Variants in LRRC4C observed in about 807,000 individuals in gnomAD.
LRRC4C encodes leucine rich repeat containing 4C.
LRRC4C carries 5 observed loss-of-function variants against 33.6 expected under a neutral mutation model. The ratio of observed to expected loss-of-function variants is 0.15; its 90% CI spans 0.08 to 0.31. The LOEUF is 0.31. Ranked by LOEUF, LRRC4C falls within the 10% of genes least tolerant of loss-of-function variation. The pLI, the probability that LRRC4C is intolerant of heterozygous loss-of-function variation, is 1.00. For missense variants in LRRC4C, 560 were observed against 796.7 expected (o/e 0.70, Z 3.58); for synonymous variants, 329 against 302.0 (o/e 1.09, Z -0.93).
At chr11:41,232,685 T>C (rs1315421303) in intron 1 of LRRC4C, among the ~76,000 whole-genome samples, 2 of 152,026 alleles carry the variant, frequency 1.3e-5, no homozygotes, top group East Asian at 3.9e-4. Context: ...ACTTATGAAT[T>C]ATACTTTTGA....
chr11:40,553,714 T>C (rs1190353551), intron 3 of LRRC4C, among the ~76,000 whole-genome samples: 2 of 152,222 alleles, frequency 1.3e-5, no homozygotes, highest in South Asian at 2.1e-4. Context: ...TGACTGCTTG[T>C]ATACCTTCTT....
At chr11:40,802,623 T>C (rs542605933) in intron 2 of LRRC4C, among the ~76,000 whole-genome samples, 85 of 152,298 alleles carry the variant, frequency 5.6e-4, no homozygotes, top group African/African-American at 2.0e-3. Context: ...CCCTTGCATG[T>C]ATTGAACATT....
rs1245478778 is a variant in LRRC4C at position 40,115,543 on chromosome 11, C to T, written c.750G>A (p.Met250Ile). The change falls in exon 7 of 7, where the codon ATG (methionine) becomes ATA (isoleucine). Residue 250 changes from methionine to isoleucine, a missense_variant. Around this residue, in one of 3 missense-constraint regions of LRRC4C, gnomAD observed 455 missense variants for 643.8 expected, o/e 0.71. Transcript: ENST00000528697. This position sits in a 1 kb window ranked among gnomAD's most constrained non-coding sequence, Gnocchi z 6.7. Reference sequence around the variant, plus strand: ...CAATCACTTGAATCTGGGACTGTATCATCCACAGTTTTTGAAGGTGCATCA... The same window carrying T: ...CAATCACTTGAATCTGGGACTGTATTATCCACAGTTTTTGAAGGTGCATCA... Reference protein sequence around the residue: ...QGLMHLQKLWMIQSQIQVIER... With the variant: ...QGLMHLQKLWIIQSQIQVIER... The T allele has an allele frequency of 2.5e-6, 4 of 1,614,196 alleles. No homozygotes were observed. The highest frequency in any genetic ancestry group is 3.4e-6 in the Non-Finnish European group (4 of 1,180,038).
At chr11:41,122,259 A>T (rs934512870) in intron 1 of LRRC4C, among the ~76,000 whole-genome samples, 3 of 152,238 alleles carry the variant, frequency 2.0e-5, no homozygotes, top group South Asian at 4.1e-4. Context: ...AATAGGGTAA[A>T]ACATACTTAT....
chr11:41,438,064 A>AATAAATAAATAC (rs71063917), intron 1 of LRRC4C, among the ~76,000 whole-genome samples: 64,956 of 148,474 alleles, frequency 0.44, 15,858 homozygotes, highest in Non-Finnish European at 0.56. Context: ...TAAATAAATA[A>AATAAATAAATAC]ATAAATAATA....
At chr11:40,585,440 A>AT (rs749773708) in intron 3 of LRRC4C, among the ~76,000 whole-genome samples, 2 of 151,884 alleles carry the variant, frequency 1.3e-5, no homozygotes, top group Non-Finnish European at 2.9e-5. Context: ...AAAAAAAGAC[A>AT]TTGAGTGTGT....
At chr11:40,903,433 T>C (rs987960651) in intron 2 of LRRC4C, among the ~76,000 whole-genome samples, 1 of 152,206 alleles carries the variant, frequency 6.6e-6, no homozygotes, top group African/African-American at 2.4e-5. Flanking sequence ...CTGCAACCCA[T>C]AGATGAAGGA....
At chr11:40,539,371 A>G (rs1450724870) in intron 3 of LRRC4C, among the ~76,000 whole-genome samples, 2 of 152,056 alleles carry the variant, frequency 1.3e-5, no homozygotes, top group East Asian at 1.9e-4. Flanking sequence ...ACCTATTTCC[A>G]TCTCTTTTCT....
At chr11:40,586,696 C>T (rs1201936303) in intron 3 of LRRC4C, among the ~76,000 whole-genome samples, 4 of 149,956 alleles carry the variant, frequency 2.7e-5, no homozygotes, top group South Asian at 2.2e-4. Context: ...TACATATGGC[C>T]AGCCAGTTTT....
intron 1 of LRRC4C, among the ~76,000 whole-genome samples, chr11:41,259,750 G>A (rs563893175): frequency 6.6e-6 from 1 of 151,848 alleles, no homozygotes; most frequent in African/African-American, 2.4e-5. Flanking sequence ...GTGTAGCTGC[G>A]AACTATTTAC....
intron 1 of LRRC4C, among the ~76,000 whole-genome samples, chr11:40,950,377 C>T (rs1592167159): frequency 6.6e-6 from 1 of 152,082 alleles, no homozygotes; most frequent in Non-Finnish European, 1.5e-5. Flanking sequence ...TACTTTTCCA[C>T]TCAGATGCTA....
intron 1 of LRRC4C, among the ~76,000 whole-genome samples, chr11:41,391,772 T>C (rs1306220687): frequency 6.6e-6 from 1 of 151,962 alleles, no homozygotes; most frequent in African/African-American, 2.4e-5. Context: ...ACTTATTGGC[T>C]ATCTGCCAAA....
At chr11:40,801,585 T>C (rs1435117430) in intron 2 of LRRC4C, among the ~76,000 whole-genome samples, 1 of 152,174 alleles carries the variant, frequency 6.6e-6, no homozygotes, top group Non-Finnish European at 1.5e-5. Flanking sequence ...TCAAACAACA[T>C]TTGTTGTATA....
At chr11:40,781,207 G>T (rs1427782344) in intron 2 of LRRC4C, among the ~76,000 whole-genome samples, 1 of 151,958 alleles carries the variant, frequency 6.6e-6, no homozygotes, top group East Asian at 1.9e-4. Flanking sequence ...CATAGAAAAG[G>T]TACAGTAAAA....
At chr11:40,314,960 G>A (rs10768595) in intron 4 of LRRC4C, among the ~76,000 whole-genome samples, 144,570 of 152,086 alleles carry the variant, frequency 0.95, 69,198 homozygotes, top group Non-Finnish European at 1. Flanking sequence ...AAGTTAGAAA[G>A]GAGGAATAAT....
At chr11:40,816,122 G>T (rs189844662) in intron 2 of LRRC4C, among the ~76,000 whole-genome samples, 9 of 152,262 alleles carry the variant, frequency 5.9e-5, no homozygotes, top group Admixed American at 5.2e-4. Flanking sequence ...AGCTCAAAGA[G>T]ACCAAAGTTG....
At chr11:40,633,142 T>C (rs1384212628) in intron 3 of LRRC4C, among the ~76,000 whole-genome samples, 1 of 152,144 alleles carries the variant, frequency 6.6e-6, no homozygotes, top group East Asian at 1.9e-4. Context: ...GAATACTGGA[T>C]CAGGGAGGGT....
chr11:40,892,715 T>C (rs1396633451), intron 2 of LRRC4C, among the ~76,000 whole-genome samples: 1 of 152,194 alleles, frequency 6.6e-6, no homozygotes, highest in Non-Finnish European at 1.5e-5. Context: ...TTTGCTTCAC[T>C]TATTAGGTAC....
intron 2 of LRRC4C, among the ~76,000 whole-genome samples, chr11:40,796,111 T>C (rs902676682): frequency 1.3e-5 from 2 of 152,208 alleles, no homozygotes; most frequent in African/African-American, 2.4e-5. Flanking sequence ...TACCCAGGTT[T>C]TGGGGATTTA....
Sources: allele counts gnomAD v4.1 joint callset (sites outside exome capture counted in the v4.1 genomes callset), GRCh38; gene constraint gnomAD v4.1.1; regional missense constraint gnomAD v4.1.1; non-coding constraint Gnocchi (gnomAD v3.1); transcripts MANE v1.5; gene names NCBI Gene and HGNC (gene_info 2026-07-23, HGNC 2026-07-21).